The following PEX5L variants were observed in gnomAD, a reference collection of about 807,000 sequenced individuals.
The protein encoded by PEX5L is peroxisomal biogenesis factor 5 like.
In PEX5L, 30 loss-of-function variants were observed where a neutral mutation model predicts 84.0. The observed-to-expected ratio is 0.36, with a 90% CI of 0.27 to 0.48. The LOEUF (loss-of-function observed/expected upper bound fraction) is 0.48. Ranked by LOEUF, PEX5L falls within the 20% of genes least tolerant of loss-of-function variation. PEX5L has a pLI of 0.99. For synonymous variants in PEX5L, 270 were observed against 283.1 expected (o/e 0.95, Z 0.46); for missense variants, 533 against 754.6 (o/e 0.71, Z 3.44).
In PEX5L at chr3:179,798,715, A is replaced by T. The variant is rs1351361143; in HGVS notation, c.*3113T>A. On this transcript the variant is annotated 3_prime_UTR_variant, in exon 15 of 15. Coordinates refer to ENST00000467460, the MANE Select transcript of PEX5L (RefSeq NM_016559.3). ...CTCAGAGTACCTCAGAAGGGAAATA[A>T]GGATACCCTCCCCTTTCAAACGGAA... is the stretch of plus-strand genomic sequence containing the variant. 6.6e-6 allele frequency: 1 copy of T among 152,224 alleles called. No individual in the cohort carries two copies. Among genetic ancestry groups the T allele is most frequent in the Non-Finnish European group, 1.5e-5 (1 of 68,040 alleles). The allele number at this position is 152,224 out of a possible 1,614,324, so 9.4% of individuals were successfully genotyped here.
chr3:179,844,370 TCAATC>T (rs1472513307), intron 8 of PEX5L, among the ~76,000 whole-genome samples: 7 of 152,238 alleles, frequency 4.6e-5, no homozygotes, highest in Admixed American at 3.9e-4. Flanking sequence ...AGTTAAAACT[TCAATC>T]TAATTTATGA....
intron 7 of PEX5L, among the ~76,000 whole-genome samples, chr3:179,868,183 T>A (rs1479597273): frequency 3.3e-5 from 5 of 151,242 alleles, no homozygotes; most frequent in Non-Finnish European, 7.4e-5. Context: ...CCCAGCCCAA[T>A]AACAAAGGCT....
intron 2 of PEX5L, among the ~76,000 whole-genome samples, chr3:179,964,162 A>G (rs1782762685): frequency 6.6e-6 from 1 of 151,882 alleles, no homozygotes; most frequent in Non-Finnish European, 1.5e-5. Flanking sequence ...CCCACCCTCC[A>G]CCTTCAAGCA....
intron 1 of PEX5L, among the ~76,000 whole-genome samples, chr3:180,031,922 T>G (rs1258171213): frequency 7.6e-6 from 1 of 131,364 alleles, no homozygotes; most frequent in Non-Finnish European, 1.6e-5. Flanking sequence ...ATGAAATTTT[T>G]ACTTTCAAAC....
chr3:180,001,613 C>A (rs1788424730), intron 1 of PEX5L, among the ~76,000 whole-genome samples: 1 of 151,844 alleles, frequency 6.6e-6, no homozygotes, highest in Non-Finnish European at 1.5e-5. Context: ...ATTTATTTTT[C>A]ATTGTGCTTT....
rs1717754399 is a variant in PEX5L at position 179,798,108 on chromosome 3, T to C, written c.*3720A>G. ...AGAATATACAAGAAATATTTATCTA[T>C]ACAAGTATTTAGACATGGGTCCCAC... On this transcript the variant is annotated 3_prime_UTR_variant, in exon 15 of 15. Coordinates refer to ENST00000467460, the MANE Select transcript of PEX5L (RefSeq NM_016559.3). The C allele has an allele frequency of 6.6e-6, 1 of 152,248 alleles. No individual in the cohort carries two copies. The highest frequency in any genetic ancestry group is 2.4e-5 in the African/African-American group (1 of 41,462). 9.4% of individuals were successfully genotyped at this position (152,248 alleles called of 1,614,324 possible).
chr3:179,994,088 A>C (rs1440129077), intron 1 of PEX5L, among the ~76,000 whole-genome samples: 1 of 152,172 alleles, frequency 6.6e-6, no homozygotes, highest in African/African-American at 2.4e-5. Context: ...ATGTCTGTGT[A>C]GTGTTACATA....
At chr3:179,918,623 C>A (rs541936976) in intron 2 of PEX5L, among the ~76,000 whole-genome samples, 1 of 152,264 alleles carries the variant, frequency 6.6e-6, no homozygotes, top group East Asian at 1.9e-4. Context: ...CCTTTCTGAG[C>A]TTCTCTGTTC....
At chr3:179,866,011 G>A (rs1291475315) in intron 7 of PEX5L, among the ~76,000 whole-genome samples, 2 of 152,100 alleles carry the variant, frequency 1.3e-5, no homozygotes, top group Non-Finnish European at 2.9e-5. Context: ...AACATCTTGG[G>A]TTTACAAATG....
chr3:180,025,190 C>T (rs1201689476), intron 1 of PEX5L, among the ~76,000 whole-genome samples: 9 of 152,144 alleles, frequency 5.9e-5, no homozygotes, highest in African/African-American at 2.4e-5. Context: ...TTTGTTTCCA[C>T]AGCTCATGGG....
chr3:180,019,649 G>T (rs550968477), intron 1 of PEX5L, among the ~76,000 whole-genome samples: 1 of 152,096 alleles, frequency 6.6e-6, no homozygotes, highest in African/African-American at 2.4e-5. Flanking sequence ...AACTGTCAAT[G>T]AAAATATTTG....
At chr3:179,995,734 T>G (rs982529971) in intron 1 of PEX5L, among the ~76,000 whole-genome samples, 1 of 152,126 alleles carries the variant, frequency 6.6e-6, no homozygotes. Context: ...TTATCTCCTG[T>G]AGAGAATGAG....
At position 179,959,385 on chromosome 3, in the gene PEX5L, A is replaced by T. The variant is rs138034830; in HGVS notation, c.93+12209T>A. On this transcript the variant is annotated intron_variant, in intron 2 of 14. Coordinates refer to ENST00000467460, the MANE Select transcript of PEX5L (RefSeq NM_016559.3). The stretch of plus-strand genomic sequence containing the variant: ...AGCCCTTGGTTCCAACTACTGCAGC[A>T]CGGGCACTGTAACTGTCTGTTGACT... Among the ~76,000 whole-genome samples the T allele has an allele frequency of 1.3e-4, 20 of 152,286 alleles. No homozygotes were observed. The East Asian group carries it at 3.9e-3, about 29-fold the overall frequency.
intron 2 of PEX5L, among the ~76,000 whole-genome samples, chr3:179,920,218 G>T (rs983832725): frequency 4.6e-5 from 7 of 152,170 alleles, no homozygotes; most frequent in Non-Finnish European, 8.8e-5. Flanking sequence ...ATGTCTGTCT[G>T]TCATCTCTCT....
intron 9 of PEX5L, among the ~76,000 whole-genome samples, chr3:179,817,162 G>A (rs1212055709): frequency 7.9e-5 from 12 of 152,074 alleles, no homozygotes; most frequent in Non-Finnish European, 1.3e-4. Flanking sequence ...GCCTGTTGGG[G>A]GCTATATTGC....
chr3:179,945,976 A>C (rs1229679198), intron 2 of PEX5L, among the ~76,000 whole-genome samples: 2 of 151,946 alleles, frequency 1.3e-5, no homozygotes, highest in Non-Finnish European at 2.9e-5. Flanking sequence ...TGCAAGCCAA[A>C]TTGAGTGTAC....
chr3:179,803,702 G>C (rs1720026703), intron 14 of PEX5L, among the ~76,000 whole-genome samples: 1 of 152,206 alleles, frequency 6.6e-6, no homozygotes, highest in Non-Finnish European at 1.5e-5. Context: ...ATCCTGCAAG[G>C]TAGGTAATAA....
chr3:179,950,425 A>G (rs1044759201), intron 2 of PEX5L, among the ~76,000 whole-genome samples: 3 of 152,122 alleles, frequency 2.0e-5, no homozygotes, highest in African/African-American at 7.2e-5. Flanking sequence ...TTACGAGTTA[A>G]CGGGTGCAGC....
intron 7 of PEX5L, among the ~76,000 whole-genome samples, chr3:179,871,102 T>TC (rs201012786): frequency 0.048 from 2,272 of 46,926 alleles, 75 homozygotes; most frequent in African/African-American, 0.17. Context: ...GAGTTATACT[T>TC]TTTTTTTTTT....
Sources: gnomAD v4.1 joint callset for allele counts (sites outside exome capture counted in the v4.1 genomes callset) on GRCh38, gnomAD v4.1.1 for gene constraint, MANE v1.5 for transcripts, NCBI Gene and HGNC (gene_info 2026-07-23, HGNC 2026-07-21) for gene names.